Variants in OPRM1 observed in about 807,000 individuals in gnomAD.
OPRM1 encodes mu-type opioid receptor.
A neutral mutation model predicts 31.8 loss-of-function variants in OPRM1; 27 were observed. The ratio of observed to expected loss-of-function variants is 0.85; its 90% CI spans 0.63 to 1.17. The LOEUF is 1.17. Ranked by LOEUF, OPRM1 falls within the 50% of genes most tolerant of loss-of-function variation. OPRM1 has a pLI of 0.00. For synonymous variants in OPRM1, 196 were observed against 189.9 expected (o/e 1.03, Z -0.26); for missense variants, 536 against 511.1 (o/e 1.05, Z -0.47).
intron 3 of OPRM1, among the ~76,000 whole-genome samples, chr6:154,202,057 T>G (rs1201987786): frequency 1.3e-5 from 2 of 152,212 alleles, no homozygotes; most frequent in African/African-American, 2.4e-5. Flanking sequence ...CCCAGGAAAT[T>G]TGTAGATTCT....
intron 3 of OPRM1, among the ~76,000 whole-genome samples, chr6:154,110,714 C>A (rs1796246758): frequency 1.3e-5 from 2 of 151,866 alleles, no homozygotes; most frequent in African/African-American, 4.8e-5. Flanking sequence ...TGGTGAAACC[C>A]CATCTCTACT....
intron 3 of OPRM1, among the ~76,000 whole-genome samples, chr6:154,204,034 C>A (rs1245861622): frequency 6.6e-6 from 1 of 152,144 alleles, no homozygotes; most frequent in African/African-American, 2.4e-5. Flanking sequence ...TATGTGGTTT[C>A]ATTCCTTTCA....
chr6:154,089,065 A>G (rs748808537), intron 1 of OPRM1, among the ~76,000 whole-genome samples: 16 of 152,144 alleles, frequency 1.1e-4, no homozygotes, highest in Admixed American at 6.5e-5. Context: ...GAGATGCCTC[A>G]TCTCTGTGCC....
At chr6:154,176,657 A>G (rs1313719535) in intron 3 of OPRM1, among the ~76,000 whole-genome samples, 1 of 152,352 alleles carries the variant, frequency 6.6e-6, no homozygotes, top group East Asian at 1.9e-4. Context: ...CCACTGCTCA[A>G]TGAAATAAAA....
At chr6:154,214,631 T>G (rs1778237013) in intron 3 of OPRM1, among the ~76,000 whole-genome samples, 1 of 152,216 alleles carries the variant, frequency 6.6e-6, no homozygotes, top group Non-Finnish European at 1.5e-5. Context: ...ACTTGGCTAT[T>G]AAAGTTATTA....
intron 3 of OPRM1, chr6:154,221,138 C>T: frequency 2.7e-6 from 2 of 730,288 alleles, no homozygotes; most frequent in Non-Finnish European, 2.2e-6. Flanking sequence ...ATAAATTAAT[C>T]CTTAAAGTAA....
At chr6:154,182,916 A>T (rs4318891) in intron 3 of OPRM1, among the ~76,000 whole-genome samples, 1 of 152,064 alleles carries the variant, frequency 6.6e-6, no homozygotes, top group Non-Finnish European at 1.5e-5. Context: ...GAAAGGAAGA[A>T]GTTAGCTTAT....
intron 3 of OPRM1, among the ~76,000 whole-genome samples, chr6:154,167,445 T>C: frequency 6.6e-6 from 1 of 152,164 alleles, no homozygotes; most frequent in East Asian, 1.9e-4. Flanking sequence ...TCACTACATC[T>C]TTGCTGCAGC....
At chr6:154,163,619 ATGAC>A (rs1417689846) in intron 3 of OPRM1, among the ~76,000 whole-genome samples, 4 of 152,362 alleles carry the variant, frequency 2.6e-5, no homozygotes, top group African/African-American at 9.6e-5. Flanking sequence ...GCCTGAAAGA[ATGAC>A]TGCACATGTA....
intron 1 of OPRM1, among the ~76,000 whole-genome samples, chr6:154,018,533 C>A (rs1156760558): frequency 6.7e-6 from 1 of 149,888 alleles, no homozygotes; most frequent in Admixed American, 6.6e-5. Flanking sequence ...TTTTCTGGCC[C>A]TGCATATCAA....
At chr6:154,148,783 C>T (rs1798421511) in intron 3 of OPRM1, among the ~76,000 whole-genome samples, 1 of 152,148 alleles carries the variant, frequency 6.6e-6, no homozygotes, top group South Asian at 2.1e-4. Context: ...CATTCATCAC[C>T]AGCTTTCAGA....
intron 1 of OPRM1, among the ~76,000 whole-genome samples, chr6:154,048,889 A>G (rs1247232277): frequency 1.3e-5 from 2 of 152,224 alleles, no homozygotes; most frequent in South Asian, 2.1e-4. Flanking sequence ...AAGTAAAAAC[A>G]TAAAAAGTTA....
chr6:154,026,951 TG>T (rs1223054136), intron 1 of OPRM1, among the ~76,000 whole-genome samples: 1 of 151,554 alleles, frequency 6.6e-6, no homozygotes, highest in African/African-American at 2.4e-5. Context: ...GAATAGTCCC[TG>T]GTGGCTTATT....
intron 3 of OPRM1, among the ~76,000 whole-genome samples, chr6:154,169,552 T>G (rs899774896): frequency 6.6e-6 from 1 of 152,204 alleles, no homozygotes; most frequent in African/African-American, 2.4e-5. Flanking sequence ...ACTACTGCCC[T>G]AGATGATTGC....
intron 3 of OPRM1, among the ~76,000 whole-genome samples, chr6:154,197,159 T>C (rs1422840574): frequency 1.3e-5 from 2 of 152,162 alleles, no homozygotes; most frequent in Non-Finnish European, 2.9e-5. Flanking sequence ...AAAAACACCT[T>C]GAACAATTTC....
At chr6:154,069,398 C>T (rs1197029641) in intron 1 of OPRM1, among the ~76,000 whole-genome samples, 2 of 152,096 alleles carry the variant, frequency 1.3e-5, no homozygotes, top group African/African-American at 2.4e-5. Context: ...GCCGCCACAC[C>T]CAGCTAATTT....
chr6:154,240,696 T>TC (rs1780509001), intron 3 of OPRM1, among the ~76,000 whole-genome samples: 1 of 152,190 alleles, frequency 6.6e-6, no homozygotes, highest in Non-Finnish European at 1.5e-5. Context: ...GAAATATGCC[T>TC]TCCAAAGATA....
intron 3 of OPRM1, among the ~76,000 whole-genome samples, chr6:154,234,804 C>G (rs894754446): frequency 3.3e-5 from 5 of 152,178 alleles, no homozygotes; most frequent in African/African-American, 1.2e-4. Flanking sequence ...TTCAGGTAGT[C>G]TGACATACAA....
intron 3 of OPRM1, among the ~76,000 whole-genome samples, chr6:154,208,106 T>A (rs1232583323): frequency 6.6e-6 from 1 of 152,212 alleles, no homozygotes; most frequent in Non-Finnish European, 1.5e-5. Context: ...GAAATGGAAG[T>A]TGATTATATC....
Sources: gnomAD v4.1 joint callset for allele counts (sites outside exome capture counted in the v4.1 genomes callset) on GRCh38, gnomAD v4.1.1 for gene constraint, MANE v1.5 for transcripts, NCBI Gene and HGNC (gene_info 2026-07-23, HGNC 2026-07-21) for gene names.